Variants in BMERB1 observed in about 807,000 individuals in gnomAD.
The protein encoded by BMERB1 is bMERB domain-containing protein 1.
In BMERB1, 12 loss-of-function variants were observed where a neutral mutation model predicts 23.6. The ratio of observed to expected loss-of-function variants is 0.51; its 90% CI spans 0.33 to 0.82. BMERB1 has a LOEUF of 0.82. Ranked by LOEUF, BMERB1 falls within the 40% of genes least tolerant of loss-of-function variation. The probability of loss-of-function intolerance (pLI) is 0.03; values close to 1 mark genes in which losing one functional copy is unlikely to be tolerated. For synonymous variants in BMERB1, 122 were observed against 96.6 expected, an observed-to-expected ratio of 1.26 and a Z score of -1.54; for missense variants, 247 against 255.4, an observed-to-expected ratio of 0.97 and a Z score of 0.22.
At chr16:15,498,778 C>T (rs2051499473) in intron 1 of BMERB1, among the ~76,000 whole-genome samples, 1 of 152,184 alleles carries the variant, frequency 6.6e-6, no homozygotes, top group Non-Finnish European at 1.5e-5. Flanking sequence ...GATTTTGTCC[C>T]CCAGGGGATA....
At chr16:15,471,098 A>G (rs1393086426) in intron 1 of BMERB1, among the ~76,000 whole-genome samples, 4 of 151,978 alleles carry the variant, frequency 2.6e-5, no homozygotes, top group Admixed American at 6.6e-5. Flanking sequence ...CGGCCTCCCA[A>G]AGTGCTAGGA....
chr16:15,522,045 T>A (rs111639163), intron 2 of BMERB1, among the ~76,000 whole-genome samples: 2,691 of 152,308 alleles, frequency 0.018, 80 homozygotes, highest in African/African-American at 0.062. Context: ...CCACATCTAG[T>A]CTACCAACCC....
intron 1 of BMERB1, among the ~76,000 whole-genome samples, chr16:15,508,899 C>T (rs2051624527): frequency 1.3e-5 from 2 of 151,352 alleles, no homozygotes; most frequent in African/African-American, 4.9e-5. Context: ...AGAGACAGCT[C>T]ATGGCAAGAA....
intron 1 of BMERB1, among the ~76,000 whole-genome samples, chr16:15,483,253 C>T (rs1269099451): frequency 2.0e-5 from 3 of 152,072 alleles, no homozygotes; most frequent in Admixed American, 6.5e-5. Flanking sequence ...GGCTAAACTC[C>T]GATTATTCCT....
intron 1 of BMERB1, chr16:15,502,344 C>G: frequency 6.4e-7 from 1 of 1,551,146 alleles, no homozygotes. Context: ...CTCACAGAGA[C>G]GGGATGTATG....
intron 3 of BMERB1, among the ~76,000 whole-genome samples, chr16:15,575,552 G>C (rs2030836893): frequency 6.6e-6 from 1 of 152,088 alleles, no homozygotes; most frequent in African/African-American, 2.4e-5. Flanking sequence ...CCAGGTTCTT[G>C]GTGTTTTGAA....
chr16:15,553,494 A>G (rs1289151450), intron 2 of BMERB1, among the ~76,000 whole-genome samples: 4 of 152,248 alleles, frequency 2.6e-5, no homozygotes, highest in African/African-American at 7.2e-5. Flanking sequence ...TAGGCTCTAC[A>G]GAGTGTACAG....
intron 3 of BMERB1, among the ~76,000 whole-genome samples, chr16:15,580,611 G>A (rs1450178294): frequency 4.7e-5 from 7 of 149,342 alleles, no homozygotes; most frequent in Non-Finnish European, 5.9e-5. Context: ...GCAGTGGTGC[G>A]ATCTCAGCTC....
intron 3 of BMERB1, among the ~76,000 whole-genome samples, chr16:15,578,226 C>CTTT (rs72419431): frequency 8.3e-6 from 1 of 120,994 alleles, no homozygotes. Context: ...CTCTTCTCCT[C>CTTT]TTTTTTTTTT....
At chr16:15,556,120 G>A (rs1235312930) in intron 2 of BMERB1, among the ~76,000 whole-genome samples, 1 of 151,864 alleles carries the variant, frequency 6.6e-6, no homozygotes, top group East Asian at 1.9e-4. Flanking sequence ...TGAGGTTGCA[G>A]TGAGCCAAGA....
At chr16:15,438,462 CTATTT>C (rs2050907563) in intron 1 of BMERB1, among the ~76,000 whole-genome samples, 1 of 116,136 alleles carries the variant, frequency 8.6e-6, no homozygotes, top group Non-Finnish European at 1.9e-5. Context: ...ATTTTCTAGA[CTATTT>C]TTTTTTTTTT....
intron 1 of BMERB1, among the ~76,000 whole-genome samples, chr16:15,480,602 CTGTCTTTTTTTTTTTT>C (rs1567462704): frequency 7.7e-6 from 1 of 130,538 alleles, no homozygotes; most frequent in African/African-American, 2.7e-5. Context: ...GCCAATTCCA[CTGTCTTTTTTTTTTTT>C]TTTTTTTTTT....
chr16:15,439,411 A>G (rs1598439244), intron 1 of BMERB1, among the ~76,000 whole-genome samples: 1 of 152,228 alleles, frequency 6.6e-6, no homozygotes, highest in Admixed American at 6.5e-5. Context: ...GAAAGCGCTC[A>G]ATCAAGGTTG....
chr16:15,573,418 C>T (rs35597295), intron 3 of BMERB1, among the ~76,000 whole-genome samples: 14,765 of 151,972 alleles, frequency 0.097, 2,033 homozygotes, highest in African/African-American at 0.3. Flanking sequence ...TTTTTAAAGA[C>T]GATTTGGTGG....
chr16:15,505,836 C>T (rs1485797281), intron 1 of BMERB1, among the ~76,000 whole-genome samples: 1 of 143,276 alleles, frequency 7.0e-6, no homozygotes, highest in African/African-American at 2.6e-5. Context: ...TGCAGTGAGC[C>T]AAGATCACGC....
At chr16:15,526,994 T>C (rs2051914904) in intron 2 of BMERB1, among the ~76,000 whole-genome samples, 1 of 149,028 alleles carries the variant, frequency 6.7e-6, no homozygotes. Flanking sequence ...GTATATTTTA[T>C]ATAAATTTTA....
At chr16:15,441,250 C>T (rs931369025) in intron 1 of BMERB1, among the ~76,000 whole-genome samples, 1 of 152,062 alleles carries the variant, frequency 6.6e-6, no homozygotes, top group Non-Finnish European at 1.5e-5. Context: ...GACAGGGTCT[C>T]GCTTGTCACC....
At position 15,587,083 on chromosome 16, in the gene BMERB1, C is replaced by CCATTTTTT; in HGVS notation, c.*254_*255insCATTTTTT. ...CCAGGAGTCTGTCTCACTGTTTATC[C>CCATTTTTT]AAACACCAGGAAAGGTCCTCCCTCA... On this transcript the variant is annotated 3_prime_UTR_variant, in exon 6 of 6. Transcript: ENST00000300006. The CCATTTTTT allele has an allele frequency of 2.0e-6, 1 of 489,812 alleles. No individual in the cohort carries two copies. The highest frequency in any genetic ancestry group is 3.1e-5 in the South Asian group (1 of 32,100). The allele number at this position is 489,812 out of a possible 1,614,324, so 30.3% of individuals were successfully genotyped here.
chr16:15,488,903 A>G (rs1340247287), intron 1 of BMERB1, among the ~76,000 whole-genome samples: 1 of 104,104 alleles, frequency 9.6e-6, no homozygotes, highest in African/African-American at 3.6e-5. Context: ...CTGCATATGC[A>G]AAAAAAAAAA....
Sources: gnomAD v4.1 joint callset for allele counts (sites outside exome capture counted in the v4.1 genomes callset) on GRCh38, gnomAD v4.1.1 for gene constraint, MANE v1.5 for transcripts, NCBI Gene and HGNC (gene_info 2026-07-23, HGNC 2026-07-21) for gene names.